ZNF385D: variants seen among roughly 807,000 people sequenced by gnomAD.
The protein encoded by ZNF385D is zinc finger protein 385D.
In ZNF385D, 15 loss-of-function variants were observed where a neutral mutation model predicts 35.8. The ratio of observed to expected loss-of-function variants is 0.42; its 90% CI spans 0.28 to 0.64. The LOEUF is 0.64. Ranked by LOEUF, ZNF385D falls within the 30% of genes least tolerant of loss-of-function variation. The probability of loss-of-function intolerance (pLI) is 0.23; values close to 1 mark genes in which losing one functional copy is unlikely to be tolerated. For missense variants in ZNF385D, 474 were observed against 494.6 expected, an observed-to-expected ratio of 0.96 and a Z score of 0.39; for synonymous variants, 212 against 186.8, an observed-to-expected ratio of 1.13 and a Z score of -1.10.
chr3:22,083,318 G>A (rs943931247), intron 3 of ZNF385D, among the ~76,000 whole-genome samples: 1 of 152,140 alleles, frequency 6.6e-6, no homozygotes, highest in Admixed American at 6.5e-5. Flanking sequence ...CCCATCGCAA[G>A]GAAGGTAAAA....
At chr3:21,744,286 G>C (rs2069658706) in intron 1 of ZNF385D, among the ~76,000 whole-genome samples, 3 of 152,150 alleles carry the variant, frequency 2.0e-5, no homozygotes, top group Admixed American at 6.5e-5. Context: ...AAGTGTAAGG[G>C]ATCATGTTTA....
At chr3:21,571,316 A>G (rs1441065496) in intron 2 of ZNF385D, among the ~76,000 whole-genome samples, 1 of 152,170 alleles carries the variant, frequency 6.6e-6, no homozygotes, top group Non-Finnish European at 1.5e-5. Context: ...ATAGTATTCC[A>G]TTCTAAAACC....
At chr3:22,146,097 A>G (rs566499981) in intron 3 of ZNF385D, among the ~76,000 whole-genome samples, 15 of 152,286 alleles carry the variant, frequency 9.8e-5, no homozygotes, top group African/African-American at 3.6e-4. Context: ...ATCAAACACA[A>G]TAAAGGTACA....
chr3:22,296,482 A>T (rs1308810720), intron 2 of ZNF385D, among the ~76,000 whole-genome samples: 1 of 152,144 alleles, frequency 6.6e-6, no homozygotes, highest in Non-Finnish European at 1.5e-5. Flanking sequence ...TGCCTATGAA[A>T]GATAAAAGAG....
At chr3:21,621,968 C>T (rs2065022520) in intron 2 of ZNF385D, among the ~76,000 whole-genome samples, 1 of 151,866 alleles carries the variant, frequency 6.6e-6, no homozygotes, top group Non-Finnish European at 1.5e-5. Flanking sequence ...TGGATTTTAA[C>T]TTTTTGTATT....
intron 2 of ZNF385D, among the ~76,000 whole-genome samples, chr3:21,610,268 G>A (rs922583007): frequency 3.3e-5 from 5 of 152,074 alleles, no homozygotes; most frequent in Admixed American, 6.5e-5. Flanking sequence ...ATAAGAACAC[G>A]AATACAAAGA....
intron 3 of ZNF385D, among the ~76,000 whole-genome samples, chr3:21,836,118 C>G (rs753501772): frequency 6.6e-6 from 1 of 151,860 alleles, no homozygotes; most frequent in African/African-American, 2.4e-5. Flanking sequence ...ATTATGGAAG[C>G]AAATTTTGGG....
intron 3 of ZNF385D, among the ~76,000 whole-genome samples, chr3:22,108,659 A>T (rs1702352182): frequency 6.6e-6 from 1 of 152,176 alleles, no homozygotes; most frequent in Non-Finnish European, 1.5e-5. Flanking sequence ...TCATCTGTGA[A>T]GTGAACGTAG....
intron 3 of ZNF385D, among the ~76,000 whole-genome samples, chr3:22,126,055 T>C (rs951359275): frequency 2.5e-4 from 38 of 152,100 alleles, no homozygotes; most frequent in Non-Finnish European, 5.3e-4. Context: ...GAGTATGTAA[T>C]ATATGCCTTT....
chr3:22,101,240 A>G (rs917851522), intron 3 of ZNF385D, among the ~76,000 whole-genome samples: 3 of 152,128 alleles, frequency 2.0e-5, no homozygotes, highest in African/African-American at 4.8e-5. Flanking sequence ...ATGAATGAAA[A>G]TGCTTACCTT....
At chr3:21,804,894 A>G (rs1404261632) in intron 3 of ZNF385D, among the ~76,000 whole-genome samples, 1 of 152,160 alleles carries the variant, frequency 6.6e-6, no homozygotes, top group East Asian at 1.9e-4. Context: ...TGCTTGGAAA[A>G]TCAATTTTAA....
chr3:21,905,861 G>C (rs564761382), intron 3 of ZNF385D, among the ~76,000 whole-genome samples: 5 of 152,012 alleles, frequency 3.3e-5, no homozygotes, highest in African/African-American at 1.2e-4. Context: ...CTGGAAAATC[G>C]TATTTTAACA....
intron 3 of ZNF385D, among the ~76,000 whole-genome samples, chr3:22,115,001 G>T (rs942071131): frequency 6.6e-6 from 1 of 152,058 alleles, no homozygotes; most frequent in Non-Finnish European, 1.5e-5. Flanking sequence ...AGAACTGCAA[G>T]AAATCAATCT....
At position 21,412,783 on chromosome 3, in the gene ZNF385D, T is replaced by C. The variant is rs1700510328; in HGVS notation, c.*8431A>G. On this transcript the variant is annotated 3_prime_UTR_variant, in exon 8 of 8. Transcript: ENST00000281523. ...CCTAATAAAAATAAATATTAATTTGTTCACAGCTGCAAGTTTAACTTAGTA... is the reference window on the plus strand; with the variant it reads ...CCTAATAAAAATAAATATTAATTTGCTCACAGCTGCAAGTTTAACTTAGTA... 1 of 152,112 alleles carries C rather than the reference T, an allele frequency of 6.6e-6. No homozygotes were observed. Among genetic ancestry groups the C allele is most frequent in the Admixed American group, 6.6e-5 (1 of 15,258 alleles). 9.4% of individuals were successfully genotyped at this position (152,112 alleles called of 1,614,324 possible).
At chr3:21,981,157 T>C (rs1474057667) in intron 3 of ZNF385D, among the ~76,000 whole-genome samples, 4 of 152,150 alleles carry the variant, frequency 2.6e-5, no homozygotes, top group Non-Finnish European at 5.9e-5. Flanking sequence ...CTTTCCACAA[T>C]GGTTGAAGTA....
chr3:22,138,827 T>C (rs919417158), intron 3 of ZNF385D, among the ~76,000 whole-genome samples: 7 of 151,898 alleles, frequency 4.6e-5, no homozygotes, highest in Admixed American at 1.3e-4. Context: ...GGGATCTAAT[T>C]AAACTAAAGA....
At chr3:21,442,300 G>A (rs995406886) in intron 4 of ZNF385D, among the ~76,000 whole-genome samples, 1 of 152,108 alleles carries the variant, frequency 6.6e-6, no homozygotes, top group Non-Finnish European at 1.5e-5. Context: ...AGGTAACAGG[G>A]ATTAGTGTTA....
intron 2 of ZNF385D, among the ~76,000 whole-genome samples, chr3:22,276,644 T>C (rs781648618): frequency 5.9e-5 from 9 of 152,148 alleles, no homozygotes; most frequent in Non-Finnish European, 7.4e-5. Flanking sequence ...CTGTAAAATA[T>C]ATGATTTTAC....
intron 2 of ZNF385D, among the ~76,000 whole-genome samples, chr3:22,185,398 A>G (rs552262911): frequency 1.3e-5 from 2 of 152,314 alleles, no homozygotes; most frequent in Non-Finnish European, 2.9e-5. Flanking sequence ...CGCAAAAACC[A>G]TGGACAGTGG....
Sources: allele counts gnomAD v4.1 joint callset (sites outside exome capture counted in the v4.1 genomes callset), GRCh38; gene constraint gnomAD v4.1.1; transcripts MANE v1.5; gene names NCBI Gene and HGNC (gene_info 2026-07-23, HGNC 2026-07-21).